NREP: variants seen among roughly 807,000 people sequenced by gnomAD.
The protein encoded by NREP is neuronal regeneration related protein, also known as neuronal regeneration-related protein.
In NREP, 5 loss-of-function variants were observed where a neutral mutation model predicts 8.6. That is an observed-to-expected ratio of 0.58 (90% CI 0.30 to 1.22). The LOEUF (loss-of-function observed/expected upper bound fraction) is 1.22, where lower values mean the gene tolerates loss of function less well. Ranked by LOEUF, NREP falls within the 50% of genes most tolerant of loss-of-function variation. The pLI, the probability that NREP is intolerant of heterozygous loss-of-function variation, is 0.07. For synonymous variants in NREP, 27 were observed against 28.0 expected, an observed-to-expected ratio of 0.96 and a Z score of 0.11; for missense variants, 86 against 82.5, an observed-to-expected ratio of 1.04 and a Z score of -0.17.
chr5:111,832,859 C>T lies in NREP; in HGVS notation c.136-97352G>A, dbSNP rs1051009398. The stretch of plus-strand genomic sequence containing the variant: ...CCACCCAGGTGGTACCTTGAACAAA[C>T]GGGGCAAGTTGGACTCTTCAGGAAG... On this transcript the variant is annotated intron_variant, in intron 2 of 3. Coordinates refer to the NREP transcript ENST00000395634. Among the ~76,000 whole-genome samples the T allele has an allele frequency of 3.0e-4, 46 of 152,122 alleles. 1 individual carries two copies. The highest frequency in any genetic ancestry group is 8.8e-5 in the Non-Finnish European group (6 of 68,028).
chr5:111,843,722 A>G (rs1753088908), intron 2 of NREP, among the ~76,000 whole-genome samples: 1 of 152,168 alleles, frequency 6.6e-6, no homozygotes, highest in Non-Finnish European at 1.5e-5. Context: ...GCCCTTTACC[A>G]GTCAGCCCAT....
chr5:111,969,743 G>A (rs1423329053), intron 2 of NREP, among the ~76,000 whole-genome samples: 1 of 152,158 alleles, frequency 6.6e-6, no homozygotes, highest in African/African-American at 2.4e-5. Flanking sequence ...TACATATACT[G>A]TAGGTTGGAC....
At chr5:111,891,803 G>A (rs181916779) in intron 2 of NREP, among the ~76,000 whole-genome samples, 273 of 152,238 alleles carry the variant, frequency 1.8e-3, no homozygotes, top group Middle Eastern at 0.01. Flanking sequence ...ACTCGCTATC[G>A]TGAGGACAGC....
chr5:111,916,353 G>GCACTCCCAGCTGGC (rs1755057361), intron 2 of NREP, among the ~76,000 whole-genome samples: 1 of 151,888 alleles, frequency 6.6e-6, no homozygotes, highest in East Asian at 1.9e-4. Flanking sequence ...CCAAGCTACA[G>GCACTCCCAGCTGGC]CATATATGGC....
At chr5:111,784,824 A>G (rs1367324271) in intron 2 of NREP, among the ~76,000 whole-genome samples, 1 of 152,176 alleles carries the variant, frequency 6.6e-6, no homozygotes, top group East Asian at 1.9e-4. Flanking sequence ...AAAAAGTTAT[A>G]CTTTTCAAGG....
chr5:111,844,222 T>C (rs1753102268), intron 2 of NREP, among the ~76,000 whole-genome samples: 1 of 152,136 alleles, frequency 6.6e-6, no homozygotes, highest in African/African-American at 2.4e-5. Flanking sequence ...AAAATTAATT[T>C]CCACTGTTTT....
chr5:111,917,807 G>C (rs111287302), intron 2 of NREP, among the ~76,000 whole-genome samples: 9,745 of 152,220 alleles, frequency 0.064, 725 homozygotes, highest in East Asian at 0.23. Context: ...ACAAGACAGG[G>C]ATGCCCTCTC....
chr5:111,804,601 G>T (rs4275014), intron 2 of NREP, among the ~76,000 whole-genome samples: 99,678 of 151,776 alleles, frequency 0.66, 33,944 homozygotes, highest in East Asian at 0.94. Flanking sequence ...CAAGGACACA[G>T]GTAAATTGGG....
At chr5:111,924,516 T>G (rs1037733714) in intron 2 of NREP, among the ~76,000 whole-genome samples, 1 of 151,768 alleles carries the variant, frequency 6.6e-6, no homozygotes, top group Non-Finnish European at 1.5e-5. Context: ...TTTCCTCAGG[T>G]ATTTGGATTA....
intron 2 of NREP, among the ~76,000 whole-genome samples, chr5:111,867,168 A>G (rs1228932676): frequency 1.3e-5 from 2 of 152,170 alleles, no homozygotes; most frequent in Non-Finnish European, 2.9e-5. Flanking sequence ...GGTGATGGTT[A>G]ATATTCAGCT....
intron 2 of NREP, chr5:111,846,091 A>T (rs1753156590): frequency 6.5e-6 from 1 of 155,014 alleles, no homozygotes; most frequent in South Asian, 2.0e-4. Context: ...AATAATAATA[A>T]AAAACAGAAA....
chr5:111,793,596 A>G (rs1049165011), intron 2 of NREP, among the ~76,000 whole-genome samples: 2 of 152,174 alleles, frequency 1.3e-5, no homozygotes, highest in Non-Finnish European at 2.9e-5. Context: ...CTATTCTGGA[A>G]CACAGTCACA....
chr5:111,889,147 G>A (rs1754332128), intron 2 of NREP, among the ~76,000 whole-genome samples: 1 of 152,234 alleles, frequency 6.6e-6, no homozygotes, highest in African/African-American at 2.4e-5. Flanking sequence ...ACTGACTCAT[G>A]GTTCTGCAGG....
chr5:111,765,129 T>C (rs1010379545), intron 2 of NREP, among the ~76,000 whole-genome samples: 3 of 152,296 alleles, frequency 2.0e-5, no homozygotes, highest in Middle Eastern at 3.4e-3. Flanking sequence ...GTTGGGGGTA[T>C]GGTTTTGGGA....
chr5:111,909,660 G>A (rs189148567), intron 2 of NREP, among the ~76,000 whole-genome samples: 12 of 152,122 alleles, frequency 7.9e-5, no homozygotes, highest in Non-Finnish European at 1.2e-4. Context: ...CAGCAGGAAC[G>A]ATTTTTATGT....
intron 2 of NREP, among the ~76,000 whole-genome samples, chr5:111,948,096 A>G (rs557733895): frequency 4.3e-4 from 65 of 152,218 alleles, no homozygotes; most frequent in African/African-American, 1.6e-3. Flanking sequence ...TTGAATAATA[A>G]AAAGAAATTG....
intron 2 of NREP, among the ~76,000 whole-genome samples, chr5:111,866,755 A>G (rs1274489224): frequency 6.6e-6 from 1 of 152,134 alleles, no homozygotes; most frequent in African/African-American, 2.4e-5. Flanking sequence ...CAAATGTCCA[A>G]CAATGATAGA....
intron 2 of NREP, among the ~76,000 whole-genome samples, chr5:111,876,961 C>T (rs1224540560): frequency 1.3e-5 from 2 of 152,166 alleles, no homozygotes; most frequent in East Asian, 3.8e-4. Context: ...GCAGTCTGTG[C>T]TCTTGATCAT....
chr5:111,843,043 T>C (rs1330215077), intron 2 of NREP, among the ~76,000 whole-genome samples: 1 of 152,154 alleles, frequency 6.6e-6, no homozygotes, highest in African/African-American at 2.4e-5. Flanking sequence ...ATGTTTAATC[T>C]ATTTTTGATT....
Sources: allele counts gnomAD v4.1 joint callset (sites outside exome capture counted in the v4.1 genomes callset), GRCh38; gene constraint gnomAD v4.1.1; transcripts MANE v1.5; gene names NCBI Gene and HGNC (gene_info 2026-07-23, HGNC 2026-07-21).